MEP1A: variants seen among roughly 807,000 people sequenced by gnomAD.
The protein encoded by MEP1A is meprin A subunit alpha, also known as N-benzoyl-L-tyrosyl-P-amino-benzoic acid hydrolase subunit alpha.
MEP1A carries 68 observed loss-of-function variants against 84.5 expected under a neutral mutation model. The observed-to-expected ratio is 0.80, with a 90% CI of 0.66 to 0.98. The LOEUF (loss-of-function observed/expected upper bound fraction) is 0.98, where lower values mean the gene tolerates loss of function less well. MEP1A is among the 50% of genes least tolerant of loss of function. The pLI is 0.00. For synonymous variants in MEP1A, 337 were observed against 336.8 expected (o/e 1.00, Z -0.01); for missense variants, 887 against 919.9 (o/e 0.96, Z 0.46).
chr6:46,825,516 A>T lies in MEP1A; in HGVS notation c.778+23A>T, dbSNP rs781616698. On this transcript the variant is annotated intron_variant, in intron 8 of 13. Transcript: ENST00000230588. ...GCAGTGAGTATCTCAGTTTCTGAGA[A>T]CTTGGTAAACTAGCCTCAGCAGAGA... The T allele has an allele frequency of 1.2e-5, 18 of 1,495,374 alleles. No individual in the cohort carries two copies. The South Asian group carries it at 1.6e-4, about 14-fold the overall frequency. 92.6% of individuals were successfully genotyped at this position (1,495,374 alleles called of 1,614,324 possible).
chr6:46,797,786 T>TTC (rs1289084216), intron 3 of MEP1A, among the ~76,000 whole-genome samples: 9 of 137,682 alleles, frequency 6.5e-5, no homozygotes, highest in Admixed American at 3.6e-4. Flanking sequence ...CTTTCTTTCT[T>TTC]TCTTTCTCTT....
intron 9 of MEP1A, among the ~76,000 whole-genome samples, chr6:46,828,048 A>G (rs2150754016): frequency 6.6e-6 from 1 of 152,322 alleles, no homozygotes; most frequent in South Asian, 2.1e-4. Context: ...AAGAGCTTGA[A>G]GGATCCATTG....
Position 46,829,393 on chromosome 6 carries a change from G to A in MEP1A, c.966G>A (p.Gly322=), listed in dbSNP as rs746306914. 1 of 1,613,962 alleles carries A rather than the reference G, an allele frequency of 6.2e-7. No homozygotes were observed. The highest frequency in any genetic ancestry group is 8.5e-7 in the Non-Finnish European group (1 of 1,180,036). Residue 322 remains glycine (G), a synonymous_variant, in exon 10 of 14, where the codon GGG becomes GGA. Transcript: ENST00000230588. ...GYFMQFSTSS[G]SAEEAALLES... ...TCATGCAGTTCAGCACCAGCTCGGG[G>A]TCCGCGGAAGAGGCAGCCCTACTGG...
At chr6:46,816,843 T>C (rs991027512) in intron 6 of MEP1A, among the ~76,000 whole-genome samples, 2 of 152,166 alleles carry the variant, frequency 1.3e-5, no homozygotes, top group South Asian at 2.1e-4. Flanking sequence ...CCTGTATGAC[T>C]CAGCAGGGGC....
chr6:46,793,922 G>A lies in MEP1A; in HGVS notation c.145+206G>A, dbSNP rs144057666. On this transcript the variant is annotated intron_variant, in intron 3 of 13. Transcript: ENST00000230588. ...CCAGACTTTCTAGGAGAGCTAGGAAGTCCTCAATGGATCTAGAAATATGTA... is the reference window on the plus strand; with the variant it reads ...CCAGACTTTCTAGGAGAGCTAGGAAATCCTCAATGGATCTAGAAATATGTA... Among the ~76,000 whole-genome samples, 13 of 152,284 alleles carry A rather than the reference G, an allele frequency of 8.5e-5. No homozygotes were observed. In the East Asian group the frequency reaches 2.3e-3, roughly 27 times the overall value.
chr6:46,801,735 G>A (rs1344156119), intron 5 of MEP1A, among the ~76,000 whole-genome samples: 1 of 151,936 alleles, frequency 6.6e-6, no homozygotes, highest in African/African-American at 2.4e-5. Flanking sequence ...AAGTTGTATG[G>A]TTTCAATTTT....
chr6:46,831,980 C>T (rs1309084395), intron 10 of MEP1A, among the ~76,000 whole-genome samples: 2 of 152,174 alleles, frequency 1.3e-5, no homozygotes, highest in African/African-American at 4.8e-5. Flanking sequence ...ATAATCAGCT[C>T]CACCCTAAGA....
At chr6:46,832,823 C>A (rs1477021849) in intron 10 of MEP1A, among the ~76,000 whole-genome samples, 2 of 152,130 alleles carry the variant, frequency 1.3e-5, no homozygotes, top group Non-Finnish European at 2.9e-5. Context: ...TAGTGGAAAA[C>A]AAATTCACGG....
intron 13 of MEP1A, among the ~76,000 whole-genome samples, chr6:46,837,626 G>A (rs1768242884): frequency 2.0e-5 from 3 of 152,202 alleles, no homozygotes; most frequent in African/African-American, 7.2e-5. Context: ...CCAGGCTAAG[G>A]GAGGCCAGGG....
Position 46,829,405 on chromosome 6 carries a change from G to C in MEP1A, c.978G>C (p.Glu326Asp). 3.1e-6 allele frequency: 5 copies of C among 1,614,108 alleles called. No homozygotes were observed. The highest frequency in any genetic ancestry group is 2.2e-5 in the East Asian group (1 of 44,880). ...GCACCAGCTCGGGGTCCGCGGAAGA[G>C]GCAGCCCTACTGGAGTCTCGGATTC... Reference protein sequence around the residue: ...QFSTSSGSAEEAALLESRILY... With the variant: ...QFSTSSGSAEDAALLESRILY... The change falls in exon 10 of 14, where the codon GAG becomes GAC. Residue 326 changes from glutamate to aspartate, a missense_variant. Physicochemically the swap from Glu to Asp is conservative, Grantham distance 45. Coordinates refer to ENST00000230588, the MANE Select transcript of MEP1A (RefSeq NM_005588.3).
chr6:46,798,418 A>G (rs1218481045), intron 3 of MEP1A, among the ~76,000 whole-genome samples, 188 bp from the exon 4 acceptor site: 2 of 152,232 alleles, frequency 1.3e-5, no homozygotes, highest in Non-Finnish European at 2.9e-5. Flanking sequence ...AGAGGCTATG[A>G]CAATATGTGA....
Position 46,833,090 on chromosome 6 carries a change from T to C in MEP1A, c.1161T>C (p.Asn387=), listed in dbSNP as rs371884625. 156 of 1,525,058 alleles carry C rather than the reference T, an allele frequency of 1.0e-4. No individual in the cohort carries two copies. Among genetic ancestry groups the C allele is most frequent in the Middle Eastern group, 7.4e-4 (3 of 4,040 alleles). The allele number at this position is 1,525,058 out of a possible 1,614,324, so 94.5% of individuals were successfully genotyped here. Residue 387 remains asparagine, a synonymous_variant, in exon 11 of 14, where the codon AAT becomes AAC. Transcript: ENST00000230588. ...TGTCCTCAGGAGATGATGACCACAATTGGAAAATTGCCCATGTGGTGCTCA... is the reference window on the plus strand; with the variant it reads ...TGTCCTCAGGAGATGATGACCACAACTGGAAAATTGCCCATGTGGTGCTCA... The part of the protein sequence containing the change: ...VQTFQGDDDH[N]WKIAHVVLKE...
At chr6:46,813,953 C>T (rs543016726) in intron 6 of MEP1A, among the ~76,000 whole-genome samples, 15 of 152,252 alleles carry the variant, frequency 9.9e-5, no homozygotes, top group African/African-American at 2.9e-4. Context: ...TTATGAGTTA[C>T]CTGATGCTTT....
Position 46,809,645 on chromosome 6 carries a change from C to G in MEP1A, c.380+108C>G, listed in dbSNP as rs891410032. On this transcript the variant is annotated intron_variant, in intron 6 of 13. Coordinates refer to ENST00000230588, the MANE Select transcript of MEP1A (RefSeq NM_005588.3). The stretch of plus-strand genomic sequence containing the variant: ...ATGTATCATTCTTTTGTCTTTGCGT[C>G]CTCATAACTTAGCTCCCACATATGA... 1.9e-5 allele frequency: 12 copies of G among 643,400 alleles called. No homozygotes were observed. In the African/African-American group the frequency reaches 2.0e-4, roughly 11 times the overall value. 39.9% of individuals were successfully genotyped at this position (643,400 alleles called of 1,614,324 possible). A position where few individuals can be genotyped will look rare whatever the true frequency, so the allele number is the denominator to read the frequency against.
At chr6:46,818,480 C>G (rs989615899) in intron 6 of MEP1A, among the ~76,000 whole-genome samples, 1 of 151,980 alleles carries the variant, frequency 6.6e-6, no homozygotes, top group African/African-American at 2.4e-5. Flanking sequence ...AATTTAAAGC[C>G]AATAGGAGAC....
At chr6:46,844,922 T>C in the MEP1A span, among the ~76,000 whole-genome samples, 1 of 132,914 alleles carries the variant, frequency 7.5e-6, no homozygotes, top group Non-Finnish European at 1.7e-5. Context: ...CATGCTGTTC[T>C]TGTGATAGTA....
chr6:46,841,107 A>T (rs1470735065), downstream of MEP1A, among the ~76,000 whole-genome samples: 2 of 152,218 alleles, frequency 1.3e-5, no homozygotes, highest in African/African-American at 2.4e-5. Context: ...TAAATACATG[A>T]GTTTCTCTCT....
chr6:46,801,988 G>C (rs1418496426), intron 5 of MEP1A, among the ~76,000 whole-genome samples: 1 of 151,862 alleles, frequency 6.6e-6, no homozygotes, highest in Non-Finnish European at 1.5e-5. Flanking sequence ...AAATCACTAT[G>C]TTGATTACTC....
At chr6:46,800,583 C>T (rs766219842) in intron 5 of MEP1A, among the ~76,000 whole-genome samples, 7 of 152,182 alleles carry the variant, frequency 4.6e-5, no homozygotes, top group Non-Finnish European at 7.3e-5. Context: ...AGCAATACCA[C>T]GTGAAGGTCA....
Sources: allele counts gnomAD v4.1 joint callset (sites outside exome capture counted in the v4.1 genomes callset), GRCh38; gene constraint gnomAD v4.1.1; transcripts MANE v1.5; gene names NCBI Gene and HGNC (gene_info 2026-07-23, HGNC 2026-07-21).